Variants in ZFPM1 observed in about 807,000 individuals in gnomAD.
ZFPM1 encodes the protein zinc finger protein, FOG family member 1.
A neutral mutation model predicts 46.3 loss-of-function variants in ZFPM1; 28 were observed. The observed-to-expected ratio is 0.60, with a 90% CI of 0.45 to 0.83. The LOEUF (loss-of-function observed/expected upper bound fraction) is 0.83, where lower values mean the gene tolerates loss of function less well. Among genes scored for constraint, ZFPM1 ranks in the 40% least tolerant of loss-of-function variants. ZFPM1 has a pLI of 0.00. For synonymous variants in ZFPM1, 957 were observed against 675.9 expected (o/e 1.42, Z -6.45); for missense variants, 1,878 against 1,432.4 (o/e 1.31, Z -5.02).
At chr16:88,501,225 G>A (rs371711103) in intron 3 of ZFPM1, among the ~76,000 whole-genome samples, 745 of 65,878 alleles carry the variant, frequency 0.011, 23 homozygotes, top group African/African-American at 0.017. Context: ...GATAGCGGGT[G>A]TGGGTGCATG....
intron 1 of ZFPM1, among the ~76,000 whole-genome samples, chr16:88,473,248 C>T (rs1230749155): frequency 2.6e-5 from 4 of 152,252 alleles, no homozygotes; most frequent in Admixed American, 1.3e-4. Flanking sequence ...CGGGAATCTC[C>T]GGGATGGCCC....
intron 1 of ZFPM1, among the ~76,000 whole-genome samples, chr16:88,459,182 A>T (rs893644144): frequency 6.6e-6 from 1 of 152,080 alleles, no homozygotes; most frequent in East Asian, 1.9e-4. Context: ...CACCTGCCTG[A>T]TGGCCTTGCC....
chr16:88,489,230 G>T (rs2142377995), intron 3 of ZFPM1, 77 bp downstream of exon 3: 1 of 1,499,238 alleles, frequency 6.7e-7, no homozygotes, highest in Non-Finnish European at 8.9e-7. Flanking sequence ...AGGGCGACGT[G>T]GGTGCTGGGG....
intron 6 of ZFPM1, chr16:88,530,942 A>C (rs1912740568): frequency 6.6e-6 from 1 of 152,330 alleles, no homozygotes; most frequent in Non-Finnish European, 1.5e-5. Context: ...CCAGGCACTG[A>C]AATTCCTCCC....
chr16:88,505,855 G>A (rs1910625574), intron 3 of ZFPM1, among the ~76,000 whole-genome samples: 2 of 152,264 alleles, frequency 1.3e-5, no homozygotes, highest in South Asian at 4.1e-4. Context: ...GCCTCGGCAG[G>A]TGCAGCCGCC....
At chr16:88,464,264 G>A (rs1908026022) in intron 1 of ZFPM1, among the ~76,000 whole-genome samples, 1 of 152,210 alleles carries the variant, frequency 6.6e-6, no homozygotes, top group African/African-American at 2.4e-5. Flanking sequence ...CTAAGGTTGA[G>A]ACCCACAGGG....
At chr16:88,499,269 G>T (rs1910114837) in intron 3 of ZFPM1, among the ~76,000 whole-genome samples, 2 of 152,374 alleles carry the variant, frequency 1.3e-5, no homozygotes, top group South Asian at 4.1e-4. Context: ...CGCAGGCAGA[G>T]CCGGCACTCA....
intron 2 of ZFPM1, among the ~76,000 whole-genome samples, chr16:88,486,501 G>C (rs887586774): frequency 6.6e-6 from 1 of 150,944 alleles, no homozygotes; most frequent in Non-Finnish European, 1.5e-5. Context: ...GTGGATGACC[G>C]CTGGGTGCAA....
chr16:88,454,384 C>T (rs1040471993), intron 1 of ZFPM1, among the ~76,000 whole-genome samples: 5 of 152,242 alleles, frequency 3.3e-5, no homozygotes, highest in African/African-American at 1.2e-4. Context: ...GTGACACCTC[C>T]TGGACCCTGC....
At chr16:88,485,595 A>G (rs964077325) in intron 1 of ZFPM1, among the ~76,000 whole-genome samples, 1 of 151,932 alleles carries the variant, frequency 6.6e-6, no homozygotes, top group African/African-American at 2.4e-5. Context: ...GTGCGCCACC[A>G]CACCCAGCTA....
At chr16:88,517,117 A>C (rs77771776) in intron 4 of ZFPM1, among the ~76,000 whole-genome samples, 13,048 of 152,066 alleles carry the variant, frequency 0.086, 733 homozygotes, top group Middle Eastern at 0.13. Flanking sequence ...CCAGCTTCAG[A>C]ATTTATAGTC....
At chr16:88,461,015 T>TGGTGAGGACCGA (rs1907820158) in intron 1 of ZFPM1, among the ~76,000 whole-genome samples, 4 of 8,188 alleles carry the variant, frequency 4.9e-4, no homozygotes, top group African/African-American at 1.5e-3. Flanking sequence ...GACCGAGGGG[T>TGGTGAGGACCGA]GGGGCGGGAG....
chr16:88,460,563 C>G (rs1261684940), intron 1 of ZFPM1, among the ~76,000 whole-genome samples: 1 of 152,202 alleles, frequency 6.6e-6, no homozygotes, highest in Non-Finnish European at 1.5e-5. Flanking sequence ...CCAACACCAG[C>G]CTTCATGTTT....
Position 88,532,801 on chromosome 16 carries a change from G to A in ZFPM1, c.1055G>A (p.Ser352Asn), listed in dbSNP as rs142699447. The A allele has an allele frequency of 1.9e-6, 3 of 1,613,276 alleles. No individual in the cohort carries two copies. The highest frequency in any genetic ancestry group is 2.2e-5 in the South Asian group (2 of 91,088). ...HTDTLSGVCHSCGFISTTRDI... is the reference protein window; with the variant it reads ...HTDTLSGVCHNCGFISTTRDI... ...CCATGGCCCACAGGTGTCTGCCACA[G>A]CTGTGGCTTCATCTCCACCACAAGG... The change falls in exon 9 of 10, where the codon AGC (serine) becomes AAC (asparagine). Residue 352 changes from serine (S) to asparagine (N), a missense_variant. Ser to Asn is a conservative substitution (Grantham distance 46). Coordinates refer to ENST00000319555, the MANE Select transcript of ZFPM1 (RefSeq NM_153813.3).
At chr16:88,456,280 G>T (rs1907557930) in intron 1 of ZFPM1, among the ~76,000 whole-genome samples, 2 of 152,362 alleles carry the variant, frequency 1.3e-5, no homozygotes, top group South Asian at 4.1e-4. Context: ...GTGCGAGACC[G>T]CTAGAGGTGG....
chr16:88,482,882 C>T (rs1909016294), intron 1 of ZFPM1, among the ~76,000 whole-genome samples: 1 of 152,230 alleles, frequency 6.6e-6, no homozygotes. Flanking sequence ...TGGCCGAGCA[C>T]CTCCTGACCT....
rs1156772162 is a variant in ZFPM1 at position 88,453,465 on chromosome 16, CA to C, written c.-173del. 4 of 174,306 alleles carry C rather than the reference CA, an allele frequency of 2.3e-5. No individual in the cohort carries two copies. Among genetic ancestry groups the C allele is most frequent in the Non-Finnish European group, 4.3e-5 (4 of 92,252 alleles). 10.8% of individuals were successfully genotyped at this position (174,306 alleles called of 1,614,324 possible). On this transcript the variant is annotated 5_prime_UTR_variant, in exon 1 of 10. Transcript: ENST00000319555. ...ACCGTGGCCTCTCGGGCCTCCGCGG[CA>C]GCTCCAGCGGCTCCGGGGCTGGGCG...
intron 1 of ZFPM1, among the ~76,000 whole-genome samples, chr16:88,455,317 G>T (rs1305308625): frequency 6.6e-6 from 1 of 152,164 alleles, no homozygotes; most frequent in African/African-American, 2.4e-5. Flanking sequence ...GCGCACTTTG[G>T]GAACTGGGAC....
chr16:88,472,581 T>G (rs2142356276), intron 1 of ZFPM1, among the ~76,000 whole-genome samples: 1 of 152,300 alleles, frequency 6.6e-6, no homozygotes, highest in Non-Finnish European at 1.5e-5. Context: ...CTCCATCTCC[T>G]GACCTCGTGA....
Sources: allele counts gnomAD v4.1 joint callset (sites outside exome capture counted in the v4.1 genomes callset), GRCh38; gene constraint gnomAD v4.1.1; transcripts MANE v1.5; gene names NCBI Gene and HGNC (gene_info 2026-07-23, HGNC 2026-07-21).